The following COLEC12 variants were observed in gnomAD, a reference collection of about 807,000 sequenced individuals.
The protein encoded by COLEC12 is collectin subfamily member 12, also known as collectin-12.
COLEC12 carries 33 observed loss-of-function variants against 71.1 expected under a neutral mutation model. The ratio of observed to expected loss-of-function variants is 0.46; its 90% CI spans 0.35 to 0.62. COLEC12 has a LOEUF of 0.62. Among genes scored for constraint, COLEC12 ranks in the 20% least tolerant of loss-of-function variants. The probability of loss-of-function intolerance (pLI) is 0.00; values close to 1 mark genes in which losing one functional copy is unlikely to be tolerated. For synonymous variants in COLEC12, 350 were observed against 353.0 expected, an observed-to-expected ratio of 0.99 and a Z score of 0.10; for missense variants, 765 against 916.1, an observed-to-expected ratio of 0.84 and a Z score of 2.13.
intron 2 of COLEC12, among the ~76,000 whole-genome samples, chr18:421,866 ATTTGGGTC>A (rs1379206965): frequency 6.6e-6 from 1 of 152,202 alleles, no homozygotes; most frequent in Non-Finnish European, 1.5e-5. Context: ...AGTTTTATGC[ATTTGGGTC>A]ACACCAGCTG....
chr18:480,793 C>G lies in COLEC12; in HGVS notation c.8-36G>C. 3.1e-6 allele frequency: 5 copies of G among 1,590,248 alleles called. No homozygotes were observed. The highest frequency in any genetic ancestry group is 4.3e-6 in the Non-Finnish European group (5 of 1,158,152). ...AGAAGAGACACGATGTTAATCCTGGCAAGGGGCACAGAAGCAGAGGGTGGG... is the reference window on the plus strand; with the variant it reads ...AGAAGAGACACGATGTTAATCCTGGGAAGGGGCACAGAAGCAGAGGGTGGG... On this transcript the variant is annotated intron_variant, in intron 1 of 9. Transcript: ENST00000400256. The surrounding 1 kb of genome is among the most constrained non-coding windows in gnomAD (Gnocchi z 4.1).
Position 350,358 on chromosome 18 carries a change from G to A in COLEC12, c.182-2195C>T, listed in dbSNP as rs146872255. Among the ~76,000 whole-genome samples the A allele has an allele frequency of 3.1e-3, 476 of 152,244 alleles. 5 individuals are homozygous for A. Among genetic ancestry groups the A allele is most frequent in the African/African-American group, 0.011 (462 of 41,542 alleles). ...ATGATTCTGAGGCCTCCCCAGCCAT[G>A]TGGAACTGTAATTCCAGTTAAACCT... On this transcript the variant is annotated intron_variant, in intron 3 of 9. Coordinates refer to ENST00000400256, the MANE Select transcript of COLEC12 (RefSeq NM_130386.3).
chr18:461,241 A>G (rs756159418), intron 2 of COLEC12, among the ~76,000 whole-genome samples: 2 of 152,070 alleles, frequency 1.3e-5, no homozygotes, highest in African/African-American at 2.4e-5. Flanking sequence ...TTTTTCTAGT[A>G]GCAATATTAA....
At chr18:358,844 G>A (rs1914683341) in intron 2 of COLEC12, among the ~76,000 whole-genome samples, 1 of 152,084 alleles carries the variant, frequency 6.6e-6, no homozygotes, top group South Asian at 2.1e-4. Context: ...TAACACAATG[G>A]TAAGTATTTG....
chr18:390,652 C>T (rs541722429), intron 2 of COLEC12, among the ~76,000 whole-genome samples: 3 of 151,934 alleles, frequency 2.0e-5, no homozygotes, highest in African/African-American at 4.8e-5. Context: ...CCCAGCTACT[C>T]GGGAGGATGA....
At position 481,648 on chromosome 18, in the gene COLEC12, G is replaced by A. The variant is rs558879769; in HGVS notation, c.8-891C>T. Among the ~76,000 whole-genome samples the A allele has an allele frequency of 3.4e-4, 52 of 152,146 alleles. 1 individual carries two copies. The Middle Eastern group carries it at 0.017, about 50-fold the overall frequency. ...GAACCTGGGAGGCTGAGGTTGCAGTGAGCTAAGATCGTGCCATTGAACTCC... is the reference window on the plus strand; with the variant it reads ...GAACCTGGGAGGCTGAGGTTGCAGTAAGCTAAGATCGTGCCATTGAACTCC... On this transcript the variant is annotated intron_variant, in intron 1 of 9. Coordinates refer to ENST00000400256, the MANE Select transcript of COLEC12 (RefSeq NM_130386.3).
At chr18:403,775 C>G (rs1156823697) in intron 2 of COLEC12, among the ~76,000 whole-genome samples, 1 of 151,936 alleles carries the variant, frequency 6.6e-6, no homozygotes, top group African/African-American at 2.4e-5. Flanking sequence ...AAAATGTCTA[C>G]AATATCTCCA....
At chr18:434,976 T>C (rs1916375886) in intron 2 of COLEC12, among the ~76,000 whole-genome samples, 1 of 152,334 alleles carries the variant, frequency 6.6e-6, no homozygotes, top group African/African-American at 2.4e-5. Flanking sequence ...GCTTGGAATA[T>C]GCATCCTTTC....
Position 333,151 on chromosome 18 carries a change from T to C in COLEC12, c.1817-8A>G, listed in dbSNP as rs370191806. The C allele has an allele frequency of 3.8e-6, 6 of 1,586,074 alleles. No individual in the cohort carries two copies. Among genetic ancestry groups the C allele is most frequent in the African/African-American group, 1.4e-5 (1 of 73,158 alleles). On this transcript the variant is annotated splice_region_variant and splice_polypyrimidine_tract_variant and intron_variant, in intron 6 of 9. Coordinates refer to ENST00000400256, the MANE Select transcript of COLEC12 (RefSeq NM_130386.3). ...TCCAGTGAGGCGGGCAGCCTAGGAATGCAAAAGTGGAAAACATTGATTAAA... is the reference window on the plus strand; with the variant it reads ...TCCAGTGAGGCGGGCAGCCTAGGAACGCAAAAGTGGAAAACATTGATTAAA...
intron 2 of COLEC12, among the ~76,000 whole-genome samples, chr18:452,289 C>T (rs2143715888): frequency 6.6e-6 from 1 of 152,306 alleles, no homozygotes; most frequent in South Asian, 2.1e-4. Context: ...ATCTATGGGC[C>T]TATAACTTTG....
At chr18:485,300 G>C (rs551545902) in intron 1 of COLEC12, among the ~76,000 whole-genome samples, 1 of 152,136 alleles carries the variant, frequency 6.6e-6, no homozygotes, top group African/African-American at 2.4e-5. Context: ...GACAGTCATA[G>C]CCACACAACT....
intron 5 of COLEC12, among the ~76,000 whole-genome samples, chr18:336,838 C>T (rs1914129259): frequency 6.6e-6 from 1 of 152,032 alleles, no homozygotes; most frequent in Admixed American, 6.6e-5. Context: ...ATCTCTCTCT[C>T]TCTTTTTTTA....
intron 3 of COLEC12, among the ~76,000 whole-genome samples, chr18:351,402 G>C (rs1914518233): frequency 6.6e-6 from 1 of 151,992 alleles, no homozygotes; most frequent in Non-Finnish European, 1.5e-5. Context: ...CCCCTGGCAA[G>C]TAGTCCTTTC....
chr18:373,683 A>G (rs1475987831), intron 2 of COLEC12, among the ~76,000 whole-genome samples: 1 of 152,148 alleles, frequency 6.6e-6, no homozygotes, highest in Non-Finnish European at 1.5e-5. Flanking sequence ...GTAGAATCAA[A>G]TATTGTGATA....
At chr18:475,068 C>A (rs1917277982) in intron 2 of COLEC12, among the ~76,000 whole-genome samples, 1 of 126,630 alleles carries the variant, frequency 7.9e-6, no homozygotes, top group South Asian at 2.6e-4. Flanking sequence ...GAGCTAAACT[C>A]CGTCTCAAAA....
In COLEC12 at chr18:321,855, C is replaced by T. The variant is rs751729694; in HGVS notation, c.2064-48G>A. 7.7e-6 allele frequency: 12 copies of T among 1,551,036 alleles called. No homozygotes were observed. The African/African-American group carries it at 1.5e-4, about 20-fold the overall frequency. On this transcript the variant is annotated intron_variant, in intron 8 of 9. Transcript: ENST00000400256. Reference sequence around the variant, plus strand: ...ATGTTATTTGCACAGTAATGCAGAGCTTTTCTTTACTCAAGAGCAGCAGAG... The same window carrying T: ...ATGTTATTTGCACAGTAATGCAGAGTTTTTCTTTACTCAAGAGCAGCAGAG...
chr18:318,508 T>C lies in COLEC12; in HGVS notation c.*1537A>G, dbSNP rs1212990882. On this transcript the variant is annotated 3_prime_UTR_variant, in exon 10 of 10. Transcript: ENST00000400256. ...GAAAGGTTTTTTTTTTTTTTTTTTT[T>C]TTGAGATGGAGTCTTGCTCTGTCAC... 3 of 148,314 alleles carry C rather than the reference T, an allele frequency of 2.0e-5. No individual in the cohort carries two copies. The highest frequency in any genetic ancestry group is 4.5e-5 in the Non-Finnish European group (3 of 67,248). 9.2% of individuals were successfully genotyped at this position (148,314 alleles called of 1,614,324 possible). A position where few individuals can be genotyped will look rare whatever the true frequency, so the allele number is the denominator to read the frequency against.
intron 2 of COLEC12, among the ~76,000 whole-genome samples, chr18:374,809 T>A (rs1915078327): frequency 6.6e-6 from 1 of 152,172 alleles, no homozygotes; most frequent in Non-Finnish European, 1.5e-5. Flanking sequence ...AGCAACACGT[T>A]ATGCATGGTG....
chr18:466,681 T>C (rs940284669), intron 2 of COLEC12, among the ~76,000 whole-genome samples: 2 of 152,236 alleles, frequency 1.3e-5, no homozygotes, highest in African/African-American at 4.8e-5. Context: ...AGCTGAGGAA[T>C]TGTTCCAGGT....
Sources: allele counts gnomAD v4.1 joint callset (sites outside exome capture counted in the v4.1 genomes callset), GRCh38; gene constraint gnomAD v4.1.1; non-coding constraint Gnocchi (gnomAD v3.1); transcripts MANE v1.5; gene names NCBI Gene and HGNC (gene_info 2026-07-23, HGNC 2026-07-21).